SPATA6L: variants seen among roughly 807,000 people sequenced by gnomAD.
SPATA6L encodes the protein spermatogenesis associated 6 like, also known as spermatogenesis associated 6-like protein.
A neutral mutation model predicts 49.2 loss-of-function variants in SPATA6L; 68 were observed. The observed-to-expected ratio is 1.38, with a 90% CI of 1.14 to 1.69. The LOEUF is 1.69. Among genes scored for constraint, SPATA6L ranks in the 40% most tolerant of loss-of-function variants. SPATA6L has a pLI of 0.00. For synonymous variants in SPATA6L, 198 were observed against 165.7 expected (o/e 1.19, Z -1.50); for missense variants, 668 against 464.3 (o/e 1.44, Z -4.03).
At chr9:4,618,143 T>G in intron 8 of SPATA6L, 33 bp from the exon 9 acceptor site, 2 of 1,551,082 alleles carry the variant, frequency 1.3e-6, no homozygotes, top group Non-Finnish European at 1.8e-6. Flanking sequence ...TAGTTGTAAT[T>G]TTGCTTCTGT....
chr9:4,641,874 G>C (rs938195968), intron 3 of SPATA6L, among the ~76,000 whole-genome samples: 1 of 152,156 alleles, frequency 6.6e-6, no homozygotes, highest in Non-Finnish European at 1.5e-5. Context: ...TTTGGCTCAG[G>C]TGACCTCCCC....
At chr9:4,639,152 A>G (rs1833501002) in intron 3 of SPATA6L, among the ~76,000 whole-genome samples, 1 of 152,170 alleles carries the variant, frequency 6.6e-6, no homozygotes, top group Non-Finnish European at 1.5e-5. Context: ...GACATTGCCT[A>G]CCATTACCAC....
At chr9:4,592,531 A>C (rs1395637325) in intron 13 of SPATA6L, among the ~76,000 whole-genome samples, 2 of 152,204 alleles carry the variant, frequency 1.3e-5, no homozygotes, top group African/African-American at 4.8e-5. Context: ...AAGACCACAC[A>C]ACAAATAGAT....
In SPATA6L at chr9:4,658,564, T is replaced by C. The variant is rs566302323; in HGVS notation, c.178-2475A>G. Among the ~76,000 whole-genome samples, 4 of 152,322 alleles carry C rather than the reference T, an allele frequency of 2.6e-5. No homozygotes were observed. The East Asian group carries it at 7.7e-4, about 29-fold the overall frequency. On this transcript the variant is annotated intron_variant, in intron 2 of 11. Transcript: ENST00000682582. Reference sequence around the variant, plus strand: ...ACTAGTAATCTCAAATGTACAGCTTTTCAACAGAGCCATAGTGGCATCTGA... The same window carrying C: ...ACTAGTAATCTCAAATGTACAGCTTCTCAACAGAGCCATAGTGGCATCTGA...
intron 9 of SPATA6L, 74 bp from the exon 10 acceptor site, chr9:4,605,514 G>C (rs1023124870): frequency 2.8e-5 from 27 of 970,626 alleles, no homozygotes; most frequent in Non-Finnish European, 4.4e-5. Flanking sequence ...TGACGGTATG[G>C]ATTGATATTT....
intron 3 of SPATA6L, among the ~76,000 whole-genome samples, chr9:4,640,257 T>C (rs1833747805): frequency 6.6e-6 from 1 of 152,220 alleles, no homozygotes; most frequent in African/African-American, 2.4e-5. Flanking sequence ...TTCCCACCTT[T>C]GTAAACTGAA....
In SPATA6L at chr9:4,662,181, A is replaced by G. The variant is rs950764457; in HGVS notation, c.40-145T>C. 2.1e-6 allele frequency: 3 copies of G among 1,448,938 alleles called. No individual in the cohort carries two copies. Among genetic ancestry groups the G allele is most frequent in the African/African-American group, 2.9e-5 (2 of 70,004 alleles). 89.8% of individuals were successfully genotyped at this position (1,448,938 alleles called of 1,614,324 possible). A position where few individuals can be genotyped will look rare whatever the true frequency, so the allele number is the denominator to read the frequency against. On this transcript the variant is annotated intron_variant, in intron 1 of 11. Transcript: ENST00000682582. The surrounding 1 kb of genome is among the most constrained non-coding windows in gnomAD (Gnocchi z 4.9). ...TCCCTCACCTGTACCTCCCAACGCC[A>G]ACATCCTCCCCTCTGCTCTCCTCAC...
intron 3 of SPATA6L, among the ~76,000 whole-genome samples, chr9:4,650,011 T>C (rs942686609): frequency 6.6e-6 from 1 of 152,216 alleles, no homozygotes; most frequent in Non-Finnish European, 1.5e-5. Context: ...GGAAATCAAC[T>C]TGGGTATTGA....
chr9:4,653,009 G>T (rs563004002), intron 3 of SPATA6L, among the ~76,000 whole-genome samples: 28 of 152,238 alleles, frequency 1.8e-4, no homozygotes, highest in African/African-American at 6.3e-4. Flanking sequence ...TGCAGACATT[G>T]ACAAGATGAT....
chr9:4,631,641 T>C (rs1453350117), intron 4 of SPATA6L, among the ~76,000 whole-genome samples: 1 of 152,012 alleles, frequency 6.6e-6, no homozygotes, highest in Non-Finnish European at 1.5e-5. Context: ...GTGGAGGAAA[T>C]AAATCTAATT....
At position 4,649,344 on chromosome 9, in the gene SPATA6L, G is replaced by A. The variant is rs188541585; in HGVS notation, c.226+6697C>T. On this transcript the variant is annotated intron_variant, in intron 3 of 11. Coordinates refer to ENST00000682582, the MANE Select transcript of SPATA6L (RefSeq NM_001353486.2). ...GGTTGTACTAGTTTACATTCCCATC[G>A]GCAGTGTAGAAGTATTACCTGTTCA... Among the ~76,000 whole-genome samples, 251 of 152,162 alleles carry A rather than the reference G, an allele frequency of 1.6e-3. 1 individual carries two copies. The highest frequency in any genetic ancestry group is 3.4e-3 in the Middle Eastern group (1 of 294).
chr9:4,593,133 C>T (rs1157703064), intron 13 of SPATA6L, among the ~76,000 whole-genome samples: 1 of 152,194 alleles, frequency 6.6e-6, no homozygotes, highest in African/African-American at 2.4e-5. Context: ...CTGGGACTCA[C>T]ATGATTCCAA....
intron 3 of SPATA6L, among the ~76,000 whole-genome samples, chr9:4,646,684 T>C (rs1175116703): frequency 2.0e-5 from 3 of 152,116 alleles, no homozygotes; most frequent in Non-Finnish European, 4.4e-5. Context: ...ATCAGGTATT[T>C]CTAGAATTAA....
intron 3 of SPATA6L, among the ~76,000 whole-genome samples, chr9:4,642,774 G>C (rs1462310849): frequency 1.3e-5 from 2 of 151,142 alleles, no homozygotes; most frequent in Admixed American, 6.6e-5. Flanking sequence ...ACTGTTTTAA[G>C]CATAACTGAT....
At chr9:4,590,592 G>A (rs1022180400) in intron 13 of SPATA6L, among the ~76,000 whole-genome samples, 6 of 152,156 alleles carry the variant, frequency 3.9e-5, no homozygotes, top group Non-Finnish European at 7.4e-5. Context: ...TATTCTGGTT[G>A]GAGAAAATGA....
At chr9:4,628,856 G>T (rs1289869949) in intron 5 of SPATA6L, 2 of 415,580 alleles carry the variant, frequency 4.8e-6, no homozygotes, top group East Asian at 9.2e-5. Flanking sequence ...TTTAGCTTCT[G>T]AATCACCCTG....
chr9:4,600,503 G>GAGAGAGAGAGAGAGAGAGAGAGAC lies in SPATA6L; in HGVS notation c.*307_*308insGTCTCTCTCTCTCTCTCTCTCTCT, dbSNP rs1481303877. ...AGAGCCAGAGAGAGCCAGAGAGAGA[G>GAGAGAGAGAGAGAGAGAGAGAGAC]AGAGGGGAAGTGTTCAGATAAGCAC... is the stretch of plus-strand genomic sequence containing the variant. On this transcript the variant is annotated 3_prime_UTR_variant, in exon 12 of 12. Coordinates refer to ENST00000682582, the MANE Select transcript of SPATA6L (RefSeq NM_001353486.2). The GAGAGAGAGAGAGAGAGAGAGAGAC allele has an allele frequency of 6.6e-6, 1 of 152,002 alleles. No homozygotes were observed. Among genetic ancestry groups the GAGAGAGAGAGAGAGAGAGAGAGAC allele is most frequent in the Non-Finnish European group, 1.5e-5 (1 of 67,984 alleles). The allele number at this position is 152,002 out of a possible 1,614,324, so 9.4% of individuals were successfully genotyped here.
chr9:4,643,162 C>G (rs1834419085), intron 3 of SPATA6L, among the ~76,000 whole-genome samples: 3 of 152,174 alleles, frequency 2.0e-5, no homozygotes, highest in Admixed American at 2.0e-4. Context: ...CACCTGACAT[C>G]ATTCCCAGCT....
chr9:4,605,919 A>G (rs1586959740), intron 9 of SPATA6L, among the ~76,000 whole-genome samples: 1 of 152,126 alleles, frequency 6.6e-6, no homozygotes, highest in African/African-American at 2.4e-5. Context: ...CTCACTAGGG[A>G]GTGCCAGACA....
Sources: gnomAD v4.1 joint callset for allele counts (sites outside exome capture counted in the v4.1 genomes callset) on GRCh38, gnomAD v4.1.1 for gene constraint, Gnocchi (gnomAD v3.1) non-coding constraint, MANE v1.5 for transcripts, NCBI Gene and HGNC (gene_info 2026-07-23, HGNC 2026-07-21) for gene names.